The following PLD5 variants were observed in gnomAD, a reference collection of about 807,000 sequenced individuals.
The protein encoded by PLD5 is phospholipase D family member 5.
PLD5 carries 36 observed loss-of-function variants against 61.1 expected under a neutral mutation model. The ratio of observed to expected loss-of-function variants is 0.59; its 90% CI spans 0.45 to 0.78. The LOEUF (loss-of-function observed/expected upper bound fraction) is 0.78. PLD5 is among the 30% of genes least tolerant of loss of function. The pLI, the probability that PLD5 is intolerant of heterozygous loss-of-function variation, is 0.00. For synonymous variants in PLD5, 243 were observed against 242.8 expected (o/e 1.00, Z -0.01); for missense variants, 515 against 644.4 (o/e 0.80, Z 2.17).
chr1:242,358,610 T>A (rs1030131030), intron 1 of PLD5, among the ~76,000 whole-genome samples: 1 of 150,836 alleles, frequency 6.6e-6, no homozygotes, highest in Non-Finnish European at 1.5e-5. Flanking sequence ...CCAAAGTCAC[T>A]TCTGATCTGG....
intron 2 of PLD5, among the ~76,000 whole-genome samples, chr1:242,295,798 C>A (rs933751709): frequency 3.1e-4 from 47 of 152,300 alleles, no homozygotes; most frequent in African/African-American, 1.1e-3. Context: ...TCCATGCCAA[C>A]TTCTGCTATT....
At chr1:242,259,307 CCTCTCT>C (rs71176735) in intron 4 of PLD5, among the ~76,000 whole-genome samples, 1 of 145,844 alleles carries the variant, frequency 6.9e-6, no homozygotes, top group Admixed American at 6.9e-5. Context: ...AGACATCACC[CCTCTCT>C]CTCTCTCTCT....
At chr1:242,308,968 C>T (rs541497725) in intron 2 of PLD5, among the ~76,000 whole-genome samples, 14 of 151,578 alleles carry the variant, frequency 9.2e-5, no homozygotes, top group South Asian at 4.2e-4. Flanking sequence ...GGAGCGGGGA[C>T]GTAAGGGGGA....
chr1:242,096,402 C>T (rs934195861), intron 9 of PLD5, among the ~76,000 whole-genome samples: 7 of 152,162 alleles, frequency 4.6e-5, no homozygotes, highest in Non-Finnish European at 8.8e-5. Context: ...AGTGCAATGG[C>T]GCAATCTTGG....
At chr1:242,324,038 T>A (rs12728152) in intron 2 of PLD5, among the ~76,000 whole-genome samples, 130,128 of 151,496 alleles carry the variant, frequency 0.86, 56,470 homozygotes, top group East Asian at 0.95. Flanking sequence ...AAAATCTTTA[T>A]CTTCACCAGA....
chr1:242,524,203 C>A lies in PLD5; in HGVS notation c.74G>T (p.Arg25Leu), dbSNP rs1265280339. ...EGFEQMRLKS[R>L]PKEPSPSLTR... ...CAGGCTTGGGGAGGGCTCCTTGGGG[C>A]GGCTTTTGAGCCTCATCTGCTCGAA... The change falls in exon 1 of 10, where the codon CGC becomes CTC. Residue 25 changes from arginine to leucine, a missense_variant. Arg to Leu is a moderately radical substitution (Grantham distance 102, BLOSUM62 -2). Coordinates refer to ENST00000536534, the MANE Select transcript of PLD5 (RefSeq NM_001372062.1). 4 of 1,533,382 alleles carry A rather than the reference C, an allele frequency of 2.6e-6. No individual in the cohort carries two copies. The highest frequency in any genetic ancestry group is 1.4e-5 in the African/African-American group (1 of 72,790). 95.0% of individuals were successfully genotyped at this position (1,533,382 alleles called of 1,614,324 possible).
chr1:242,492,619 A>G (rs1470600771), intron 1 of PLD5, among the ~76,000 whole-genome samples: 1 of 152,172 alleles, frequency 6.6e-6, no homozygotes, highest in Admixed American at 6.5e-5. Context: ...AAAATTTGCA[A>G]AGCAACCTAC....
chr1:242,222,998 C>T (rs1446928109), intron 4 of PLD5, among the ~76,000 whole-genome samples: 1 of 152,114 alleles, frequency 6.6e-6, no homozygotes, highest in Non-Finnish European at 1.5e-5. Flanking sequence ...TGTCTTAGTC[C>T]ATTTGGGCTG....
intron 1 of PLD5, among the ~76,000 whole-genome samples, chr1:242,475,517 C>T (rs1256886862): frequency 6.6e-6 from 1 of 151,940 alleles, no homozygotes; most frequent in Non-Finnish European, 1.5e-5. Context: ...AAACCTGTGA[C>T]TGAAATTACC....
chr1:242,506,059 G>C (rs770671277), intron 1 of PLD5, among the ~76,000 whole-genome samples: 1 of 152,162 alleles, frequency 6.6e-6, no homozygotes, highest in Admixed American at 6.5e-5. Context: ...AGTACTAAGA[G>C]TTCTGATACA....
At chr1:242,248,165 A>G (rs1170825538) in intron 4 of PLD5, among the ~76,000 whole-genome samples, 1 of 152,278 alleles carries the variant, frequency 6.6e-6, no homozygotes, top group East Asian at 1.9e-4. Flanking sequence ...TGAAGAAAGC[A>G]AAGTTCTTTT....
chr1:242,414,358 GAA>G (rs568810246), intron 1 of PLD5, among the ~76,000 whole-genome samples: 3 of 152,134 alleles, frequency 2.0e-5, no homozygotes, highest in Non-Finnish European at 4.4e-5. Flanking sequence ...TTACTCCTAT[GAA>G]AAAGAGTCTG....
upstream of PLD5, among the ~76,000 whole-genome samples, chr1:242,525,535 C>T (rs910787034): frequency 6.6e-6 from 1 of 152,236 alleles, no homozygotes. Context: ...AATCTTCAAT[C>T]TCTTCATCTT....
chr1:242,158,147 G>A (rs1185363643), intron 5 of PLD5, among the ~76,000 whole-genome samples: 2 of 152,160 alleles, frequency 1.3e-5, no homozygotes, highest in African/African-American at 4.8e-5. Flanking sequence ...AATGGCAGAC[G>A]CCCCTTCCCC....
intron 5 of PLD5, among the ~76,000 whole-genome samples, chr1:242,197,654 A>C (rs1261374911): frequency 7.1e-6 from 1 of 140,692 alleles, no homozygotes; most frequent in East Asian, 2.1e-4. Context: ...TTTTTTTCTG[A>C]GACGGAGCCT....
intron 1 of PLD5, among the ~76,000 whole-genome samples, chr1:242,415,525 T>C (rs1664773502): frequency 6.6e-6 from 1 of 151,406 alleles, no homozygotes; most frequent in Non-Finnish European, 1.5e-5. Flanking sequence ...TTTTTTTTTT[T>C]TTTTTGAGAC....
intron 2 of PLD5, among the ~76,000 whole-genome samples, chr1:242,327,717 G>A (rs1472647086): frequency 6.6e-6 from 1 of 152,144 alleles, no homozygotes; most frequent in Non-Finnish European, 1.5e-5. Context: ...CAGTGCACTT[G>A]GAATTTTAAC....
rs1199462951 is a variant in PLD5 at position 242,394,138 on chromosome 1, G to A, written c.190-45896C>T. Among the ~76,000 whole-genome samples the A allele has an allele frequency of 6.6e-5, 6 of 91,412 alleles. 1 individual carries two copies. In the Admixed American group the frequency reaches 8.9e-4, roughly 14 times the overall value. The allele number at this position is 91,412 out of a possible 152,430, so 60.0% of individuals were successfully genotyped here. On this transcript the variant is annotated intron_variant, in intron 1 of 9. Transcript: ENST00000536534. Reference sequence around the variant, plus strand: ...AGTATATATATGTGTATATATATGAGTATATATATGTGTATATATATGAGT... The same window carrying A: ...AGTATATATATGTGTATATATATGAATATATATATGTGTATATATATGAGT...
intron 2 of PLD5, among the ~76,000 whole-genome samples, chr1:242,312,222 T>C (rs1451098523): frequency 7.3e-6 from 1 of 137,794 alleles, no homozygotes; most frequent in Admixed American, 8.2e-5. Flanking sequence ...TTTGTTCCTT[T>C]GAACAGGCCA....
Sources: allele counts gnomAD v4.1 joint callset (sites outside exome capture counted in the v4.1 genomes callset), GRCh38; gene constraint gnomAD v4.1.1; transcripts MANE v1.5; gene names NCBI Gene and HGNC (gene_info 2026-07-23, HGNC 2026-07-21).